Variants in SLC25A26 observed in about 807,000 individuals in gnomAD.
SLC25A26 encodes solute carrier family 25 member 26.
Under a neutral mutation model 37.8 loss-of-function variants are expected in SLC25A26, and 36 were observed. The ratio of observed to expected loss-of-function variants is 0.95; its 90% CI spans 0.73 to 1.26. The LOEUF (loss-of-function observed/expected upper bound fraction) is 1.26. Among genes scored for constraint, SLC25A26 ranks in the 50% most tolerant of loss-of-function variants. SLC25A26 has a pLI of 0.00. For missense variants in SLC25A26, 390 were observed against 331.1 expected (o/e 1.18, Z -1.38); for synonymous variants, 129 against 122.5 (o/e 1.05, Z -0.35).
At chr3:66,354,509 G>A (rs746180644) in intron 6 of SLC25A26, among the ~76,000 whole-genome samples, 15 of 152,120 alleles carry the variant, frequency 9.9e-5, no homozygotes, top group African/African-American at 2.7e-4. Context: ...TATTTTAAAC[G>A]TGCAGTACTA....
intron 5 of SLC25A26, among the ~76,000 whole-genome samples, chr3:66,333,168 T>G (rs571117472): frequency 1.3e-5 from 2 of 152,324 alleles, no homozygotes; most frequent in African/African-American, 4.8e-5. Context: ...GTGTGTAGAA[T>G]AACATGAGCT....
chr3:66,288,936 CCCA>C (rs2074609103), intron 5 of SLC25A26, among the ~76,000 whole-genome samples: 1 of 152,162 alleles, frequency 6.6e-6, no homozygotes, highest in Non-Finnish European at 1.5e-5. Context: ...AATTTACACT[CCCA>C]CCAACAGTGT....
intron 5 of SLC25A26, among the ~76,000 whole-genome samples, chr3:66,286,617 G>C (rs569661233): frequency 6.6e-6 from 1 of 152,024 alleles, no homozygotes; most frequent in African/African-American, 2.4e-5. Context: ...TCATATTTTT[G>C]AATATCCCAG....
intron 7 of SLC25A26, 71 bp downstream of exon 7, chr3:66,363,000 A>G: frequency 9.7e-7 from 1 of 1,030,742 alleles, no homozygotes; most frequent in South Asian, 1.6e-5. Context: ...ACTATGCAAA[A>G]ACAACATTCT....
At chr3:66,345,420 G>A (rs1304896147) in intron 5 of SLC25A26, among the ~76,000 whole-genome samples, 1 of 151,274 alleles carries the variant, frequency 6.6e-6, no homozygotes, top group African/African-American at 2.4e-5. Context: ...CCTCTCTCCA[G>A]TCTCCTCCCT....
intron 5 of SLC25A26, among the ~76,000 whole-genome samples, chr3:66,324,388 G>C (rs1575567076): frequency 1.3e-5 from 2 of 152,056 alleles, no homozygotes; most frequent in East Asian, 3.9e-4. Context: ...GATACCAGCT[G>C]GTCTGTCAGA....
intron 1 of SLC25A26, among the ~76,000 whole-genome samples, chr3:66,154,552 T>G (rs974471050): frequency 6.7e-6 from 1 of 150,252 alleles, no homozygotes; most frequent in Non-Finnish European, 1.5e-5. Context: ...TTTTTTTTTT[T>G]TTTTTTGGTG....
chr3:66,239,703 C>G (rs1025722576), intron 2 of SLC25A26, among the ~76,000 whole-genome samples: 4 of 152,064 alleles, frequency 2.6e-5, no homozygotes, highest in African/African-American at 9.7e-5. Context: ...CAACCCTTTA[C>G]CCACATGAAA....
At position 66,221,020 on chromosome 3, in the gene SLC25A26, CG is replaced by C; in HGVS notation, c.-73del. ...CAAGACAGACCCGCCTCAAACATGG[CG>C]GCGCCCAGCGCGCGAGGACGTGATC... is the stretch of plus-strand genomic sequence containing the variant. On this transcript the variant is annotated 5_prime_UTR_variant, in exon 1 of 10. It removes the in-frame stop codon of an upstream open reading frame in the 5' UTR. Coordinates refer to ENST00000354883, the MANE Select transcript of SLC25A26 (RefSeq NM_001379210.1). 1 of 1,479,764 alleles carries C rather than the reference CG, an allele frequency of 6.8e-7. No homozygotes were observed. Among genetic ancestry groups the C allele is most frequent in the Admixed American group, 2.0e-5 (1 of 50,714 alleles). 91.7% of individuals were successfully genotyped at this position (1,479,764 alleles called of 1,614,324 possible).
At chr3:66,238,125 C>T (rs2072385917) in intron 2 of SLC25A26, among the ~76,000 whole-genome samples, 1 of 152,156 alleles carries the variant, frequency 6.6e-6, no homozygotes, top group Non-Finnish European at 1.5e-5. Context: ...GTGAGAGGGG[C>T]ATGGGTTCCC....
At chr3:66,237,165 A>G (rs1246005614) in intron 2 of SLC25A26, among the ~76,000 whole-genome samples, 1 of 152,180 alleles carries the variant, frequency 6.6e-6, no homozygotes, top group Non-Finnish European at 1.5e-5. Flanking sequence ...TGAATCAGAT[A>G]GTGTTATAGA....
intron 2 of SLC25A26, among the ~76,000 whole-genome samples, chr3:66,238,994 A>G (rs2072437605): frequency 6.6e-6 from 1 of 152,134 alleles, no homozygotes. Flanking sequence ...TCCTTTCACC[A>G]TTTGCTTTAG....
chr3:66,243,562 A>T (rs989374868), intron 3 of SLC25A26, among the ~76,000 whole-genome samples: 1 of 152,236 alleles, frequency 6.6e-6, no homozygotes, highest in African/African-American at 2.4e-5. Flanking sequence ...AAACATAATT[A>T]TATGGAAAAA....
chr3:66,237,333 T>C (rs965691889), intron 2 of SLC25A26, among the ~76,000 whole-genome samples: 2 of 152,366 alleles, frequency 1.3e-5, no homozygotes, highest in Middle Eastern at 3.4e-3. Context: ...TAGAATCTAC[T>C]GGGAAGCCTT....
At chr3:66,185,575 C>G (rs2070811066) in intron 1 of SLC25A26, among the ~76,000 whole-genome samples, 2 of 152,104 alleles carry the variant, frequency 1.3e-5, no homozygotes, top group African/African-American at 4.8e-5. Context: ...CTTTACCTGA[C>G]CCTGTCCTAC....
intron 3 of SLC25A26, among the ~76,000 whole-genome samples, chr3:66,254,701 C>G (rs181768408): frequency 2.0e-5 from 3 of 152,358 alleles, no homozygotes; most frequent in East Asian, 3.9e-4. Flanking sequence ...GCTTCCTGAG[C>G]TAAGTAGCTC....
chr3:66,346,715 CGTGTGTGTGTGTGTGTGTGTGT>C (rs34944870), intron 6 of SLC25A26, among the ~76,000 whole-genome samples: 431 of 138,978 alleles, frequency 3.1e-3, no homozygotes, highest in African/African-American at 0.011. Flanking sequence ...TTGCTGTGTG[CGTGTGTGTGTGTGTGTGTGTGT>C]GTGTGTGTGT....
At chr3:66,273,696 C>T (rs977615679) in intron 5 of SLC25A26, among the ~76,000 whole-genome samples, 2 of 151,948 alleles carry the variant, frequency 1.3e-5, no homozygotes, top group East Asian at 1.9e-4. Flanking sequence ...TTACAAGGGA[C>T]GTGAAGGACC....
chr3:66,330,988 C>T (rs1430802645), intron 5 of SLC25A26, among the ~76,000 whole-genome samples: 3 of 151,712 alleles, frequency 2.0e-5, no homozygotes, highest in African/African-American at 7.3e-5. Flanking sequence ...TTTTTTAAAA[C>T]CTTAGATTTA....
Sources: gnomAD v4.1 joint callset for allele counts (sites outside exome capture counted in the v4.1 genomes callset) on GRCh38, gnomAD v4.1.1 for gene constraint, MANE v1.5 for transcripts, NCBI Gene and HGNC (gene_info 2026-07-23, HGNC 2026-07-21) for gene names.